DISP1: variants seen among roughly 807,000 people sequenced by gnomAD.
DISP1 encodes the protein dispatched RND transporter family member 1.
A neutral mutation model predicts 37.3 loss-of-function variants in DISP1; 30 were observed. The ratio of observed to expected loss-of-function variants is 0.80; its 90% CI spans 0.60 to 1.09. The LOEUF (loss-of-function observed/expected upper bound fraction) is 1.09, where lower values mean the gene tolerates loss of function less well. DISP1 is among the 50% of genes least tolerant of loss of function. The pLI is 0.00. For synonymous variants in DISP1, 634 were observed against 690.2 expected (o/e 0.92, Z 1.28); for missense variants, 1,598 against 1,879.5 (o/e 0.85, Z 2.77).
chr1:222,898,431 T>A (rs1424553433), intron 1 of DISP1, among the ~76,000 whole-genome samples: 1 of 152,080 alleles, frequency 6.6e-6, no homozygotes, highest in Non-Finnish European at 1.5e-5. Context: ...AATTTGTAAC[T>A]CTTGAAACTC....
chr1:222,914,524 A>G (rs1009378360), intron 1 of DISP1, among the ~76,000 whole-genome samples: 1 of 152,264 alleles, frequency 6.6e-6, no homozygotes, highest in Admixed American at 6.5e-5. Context: ...GGTTATAGTC[A>G]TTTATCACTG....
chr1:222,880,767 A>G (rs1670229655), intron 1 of DISP1, among the ~76,000 whole-genome samples: 1 of 152,224 alleles, frequency 6.6e-6, no homozygotes, highest in African/African-American at 2.4e-5. Flanking sequence ...TCATCTTAAA[A>G]TAAAATGTCT....
intron 1 of DISP1, among the ~76,000 whole-genome samples, chr1:222,825,843 T>C (rs955192350): frequency 2.0e-5 from 3 of 152,204 alleles, no homozygotes; most frequent in African/African-American, 4.8e-5. Context: ...TAACCCAGCC[T>C]CCTCACCCCC....
chr1:222,990,390 T>C (rs1304808560), intron 4 of DISP1, among the ~76,000 whole-genome samples: 3 of 152,202 alleles, frequency 2.0e-5, no homozygotes, highest in African/African-American at 7.2e-5. Flanking sequence ...TGCTACTTGA[T>C]CACAAAAATG....
intron 1 of DISP1, among the ~76,000 whole-genome samples, chr1:222,821,821 G>A (rs1332403382): frequency 4.7e-5 from 7 of 148,298 alleles, no homozygotes; most frequent in Non-Finnish European, 1.0e-4. Context: ...GGAGCCTGCA[G>A]TGAGCCAGGC....
At chr1:222,879,265 T>G (rs940270551) in intron 1 of DISP1, among the ~76,000 whole-genome samples, 1 of 152,194 alleles carries the variant, frequency 6.6e-6, no homozygotes, top group Non-Finnish European at 1.5e-5. Context: ...ATTTTTACTT[T>G]TCCATTTCCT....
chr1:222,929,782 C>T (rs1413263771), intron 2 of DISP1, among the ~76,000 whole-genome samples: 3 of 152,024 alleles, frequency 2.0e-5, no homozygotes, highest in Non-Finnish European at 1.5e-5. Context: ...AGTCTTGCAT[C>T]TCCAATAGAT....
At chr1:222,989,434 C>T in intron 4 of DISP1, 2 of 985,384 alleles carry the variant, frequency 2.0e-6, no homozygotes, top group Non-Finnish European at 2.4e-6. Context: ...GTTGGGTACT[C>T]AGCTCATATC....
At chr1:222,882,215 T>C (rs1670321710) in intron 1 of DISP1, among the ~76,000 whole-genome samples, 1 of 152,198 alleles carries the variant, frequency 6.6e-6, no homozygotes, top group Non-Finnish European at 1.5e-5. Flanking sequence ...TATGTATTCA[T>C]GTTGTGAGAT....
chr1:222,931,059 T>C (rs570110329), intron 2 of DISP1, among the ~76,000 whole-genome samples: 2 of 151,980 alleles, frequency 1.3e-5, no homozygotes, highest in Admixed American at 1.3e-4. Flanking sequence ...CAGCAGGGAG[T>C]GGGGCCTGGT....
At chr1:222,947,022 T>TAC (rs1401892816) in intron 3 of DISP1, among the ~76,000 whole-genome samples, 1 of 152,182 alleles carries the variant, frequency 6.6e-6, no homozygotes, top group Non-Finnish European at 1.5e-5. Flanking sequence ...TGGTGAAATA[T>TAC]ACATAACATA....
intron 1 of DISP1, among the ~76,000 whole-genome samples, chr1:222,899,288 G>A (rs1466988664): frequency 6.6e-6 from 1 of 152,100 alleles, no homozygotes; most frequent in Non-Finnish European, 1.5e-5. Flanking sequence ...TCTAACATAG[G>A]ATGTTTAAAA....
intron 1 of DISP1, among the ~76,000 whole-genome samples, chr1:222,918,388 A>G (rs547301190): frequency 2.0e-5 from 3 of 152,362 alleles, no homozygotes; most frequent in South Asian, 4.1e-4. Context: ...GGGCATTACT[A>G]TAGTCCCAGG....
chr1:223,000,115 A>G (rs997148215), intron 8 of DISP1, among the ~76,000 whole-genome samples: 7 of 152,156 alleles, frequency 4.6e-5, no homozygotes, highest in African/African-American at 1.7e-4. Context: ...CATGTCCTTT[A>G]TCTTTGGCAT....
At chr1:222,976,130 T>C (rs1290924970) in intron 3 of DISP1, among the ~76,000 whole-genome samples, 1 of 152,198 alleles carries the variant, frequency 6.6e-6, no homozygotes, top group Non-Finnish European at 1.5e-5. Flanking sequence ...AAGTGAATGC[T>C]GGAAAAAGAT....
At chr1:222,999,821 C>A (rs1679313984) in intron 8 of DISP1, among the ~76,000 whole-genome samples, 1 of 152,132 alleles carries the variant, frequency 6.6e-6, no homozygotes, top group African/African-American at 2.4e-5. Context: ...GTCACGATGT[C>A]TTTTCTCTGT....
chr1:222,854,219 A>G (rs899502367), intron 1 of DISP1, among the ~76,000 whole-genome samples: 5 of 152,228 alleles, frequency 3.3e-5, no homozygotes, highest in Admixed American at 3.3e-4. Flanking sequence ...TAGGCGTCTT[A>G]GTCCGTTCTC....
intron 1 of DISP1, among the ~76,000 whole-genome samples, chr1:222,869,847 G>C (rs1433735835): frequency 6.6e-6 from 1 of 151,854 alleles, no homozygotes; most frequent in African/African-American, 2.4e-5. Context: ...GTGCAGGTTT[G>C]TTACATATGT....
chr1:222,850,422 C>CT (rs35375396), intron 1 of DISP1, among the ~76,000 whole-genome samples: 29,710 of 151,242 alleles, frequency 0.2, 3,501 homozygotes, highest in Non-Finnish European at 0.26. Flanking sequence ...AACTGCTACA[C>CT]TTTTTTTTTC....
Sources: gnomAD v4.1 joint callset for allele counts (sites outside exome capture counted in the v4.1 genomes callset) on GRCh38, gnomAD v4.1.1 for gene constraint, MANE v1.5 for transcripts, NCBI Gene and HGNC (gene_info 2026-07-23, HGNC 2026-07-21) for gene names.